Variants in SAP130 observed in about 807,000 individuals in gnomAD.
The protein encoded by SAP130 is histone deacetylase complex subunit SAP130.
In SAP130, 16 loss-of-function variants were observed where a neutral mutation model predicts 103.2. The observed-to-expected ratio is 0.16, with a 90% CI of 0.10 to 0.24. The LOEUF (loss-of-function observed/expected upper bound fraction) is 0.24. SAP130 is among the 10% of genes least tolerant of loss of function. The probability of loss-of-function intolerance (pLI) is 1.00; values close to 1 mark genes in which losing one functional copy is unlikely to be tolerated. For synonymous variants in SAP130, 477 were observed against 497.0 expected, an observed-to-expected ratio of 0.96 and a Z score of 0.53; for missense variants, 990 against 1,359.7, an observed-to-expected ratio of 0.73 and a Z score of 4.28.
intron 15 of SAP130, among the ~76,000 whole-genome samples, chr2:127,957,360 A>G (rs1187613483): frequency 2.0e-5 from 3 of 152,204 alleles, no homozygotes; most frequent in Non-Finnish European, 4.4e-5. Context: ...CTAGAGTCTG[A>G]ACTGTATATT....
chr2:127,976,772 T>C (rs1417511679), intron 15 of SAP130, among the ~76,000 whole-genome samples: 1 of 152,064 alleles, frequency 6.6e-6, no homozygotes, highest in African/African-American at 2.4e-5. Context: ...TAGCTGGGTG[T>C]GGTAGCACGC....
intron 16 of SAP130, among the ~76,000 whole-genome samples, chr2:127,951,381 C>A (rs1679484327): frequency 6.6e-6 from 1 of 152,144 alleles, no homozygotes; most frequent in African/African-American, 2.4e-5. Flanking sequence ...AACAGTCATA[C>A]CCTAAACTTT....
At chr2:127,944,870 C>A (rs139300532) in intron 19 of SAP130, among the ~76,000 whole-genome samples, 1,888 of 145,134 alleles carry the variant, frequency 0.013, 32 homozygotes, top group African/African-American at 0.047. Context: ...CCACTGCACT[C>A]CAACCTGGGT....
chr2:128,006,555 G>A (rs552085746), intron 7 of SAP130, among the ~76,000 whole-genome samples: 2 of 152,170 alleles, frequency 1.3e-5, no homozygotes, highest in African/African-American at 2.4e-5. Context: ...CAGATGGATC[G>A]CTTGAGCCCA....
intron 7 of SAP130, among the ~76,000 whole-genome samples, chr2:128,001,755 T>A (rs542858206): frequency 6.6e-6 from 1 of 152,126 alleles, no homozygotes; most frequent in African/African-American, 2.4e-5. Flanking sequence ...TATACTCTTA[T>A]GATGTTTGCA....
intron 7 of SAP130, among the ~76,000 whole-genome samples, chr2:128,005,630 T>C (rs1260729549): frequency 4.6e-5 from 7 of 150,950 alleles, no homozygotes; most frequent in African/African-American, 1.7e-4. Context: ...ACAAACAAAC[T>C]GTTCATATAG....
At chr2:128,021,535 C>T (rs1219663744) in intron 2 of SAP130, among the ~76,000 whole-genome samples, 2 of 151,688 alleles carry the variant, frequency 1.3e-5, no homozygotes, top group Non-Finnish European at 2.9e-5. Flanking sequence ...TCTCCCAGGT[C>T]ATTCAGAATT....
chr2:128,009,445 T>C (rs947752933), intron 7 of SAP130, among the ~76,000 whole-genome samples: 1 of 152,204 alleles, frequency 6.6e-6, no homozygotes, highest in Non-Finnish European at 1.5e-5. Flanking sequence ...TACTCCAGCC[T>C]GGGTGACAGA....
chr2:128,024,936 A>G (rs1685402100), intron 2 of SAP130, among the ~76,000 whole-genome samples: 1 of 143,954 alleles, frequency 6.9e-6, no homozygotes, highest in African/African-American at 2.6e-5. Context: ...CAAAAGATCG[A>G]GGCTGCAGTG....
intron 15 of SAP130, among the ~76,000 whole-genome samples, chr2:127,964,355 G>A (rs1051847860): frequency 2.0e-4 from 31 of 151,868 alleles, no homozygotes; most frequent in African/African-American, 7.0e-4. Flanking sequence ...TTAGCTGGGC[G>A]TGTTGGTGGA....
chr2:127,974,783 A>T (rs1217531143), intron 15 of SAP130, among the ~76,000 whole-genome samples: 1 of 152,248 alleles, frequency 6.6e-6, no homozygotes, highest in Non-Finnish European at 1.5e-5. Context: ...ACTGCACTCT[A>T]GCCTGGGCAG....
chr2:127,995,050 T>G (rs1683076905), intron 11 of SAP130, among the ~76,000 whole-genome samples: 1 of 152,090 alleles, frequency 6.6e-6, no homozygotes, highest in Admixed American at 6.6e-5. Flanking sequence ...TTGTGTATAC[T>G]GTATAGGGTT....
chr2:128,022,933 G>A (rs367897835), intron 2 of SAP130, among the ~76,000 whole-genome samples: 6 of 151,860 alleles, frequency 4.0e-5, no homozygotes, highest in African/African-American at 9.7e-5. Flanking sequence ...AGGCTCAAGC[G>A]ATCCTCCCAC....
At chr2:127,984,925 C>T (rs1004156254) in intron 14 of SAP130, among the ~76,000 whole-genome samples, 6 of 152,226 alleles carry the variant, frequency 3.9e-5, no homozygotes, top group Non-Finnish European at 5.9e-5. Flanking sequence ...TTTAACTTAT[C>T]CTCCTTAAAG....
intron 15 of SAP130, among the ~76,000 whole-genome samples, chr2:127,958,645 AG>A (rs1410149243): frequency 1.3e-4 from 4 of 31,102 alleles, no homozygotes; most frequent in Admixed American, 3.9e-4. Flanking sequence ...TGAGAGAGAG[AG>A]AGAGAGAGAG....
rs1436509932 is a variant in SAP130 at position 127,977,986 on chromosome 2, C to T, written c.2062G>A (p.Gly688Ser). Residue 688 changes from glycine to serine, a missense_variant and splice_region_variant, in exon 15 of 21, where the codon GGT (glycine) becomes AGT (serine). By Grantham distance (56) the Gly-to-Ser change is moderately conservative (BLOSUM62 0). This residue lies in a region of SAP130 where 349 missense variants were observed against 384.1 expected (regional missense o/e 0.91). Transcript: ENST00000643581. The stretch of plus-strand genomic sequence containing the variant: ...TGCGAAGAACACTTAGGTGCTCACC[C>T]TGCAGGCCTAGGTGACCCAGACGTA... ...RSTSGSPRPA[G>S]AKPKSEIHVS... The T allele has an allele frequency of 6.5e-7, 1 of 1,548,610 alleles. No homozygotes were observed. The highest frequency in any genetic ancestry group is 8.7e-7 in the Non-Finnish European group (1 of 1,143,828).
At chr2:127,988,396 C>A in intron 13 of SAP130, among the ~76,000 whole-genome samples, 1 of 143,566 alleles carries the variant, frequency 7.0e-6, no homozygotes. Context: ...TGTGTTCCAG[C>A]TGGGCAACAG....
At chr2:128,007,059 T>C (rs1436947337) in intron 7 of SAP130, among the ~76,000 whole-genome samples, 1 of 152,188 alleles carries the variant, frequency 6.6e-6, no homozygotes, top group Non-Finnish European at 1.5e-5. Flanking sequence ...CCAGGTTTTA[T>C]TAAAACAATC....
Position 127,978,041 on chromosome 2 carries a change from A to G in SAP130, c.2007T>C (p.Ala669=). The change falls in exon 15 of 21, where the codon GCT becomes GCC. Residue 669 remains alanine (A), a synonymous_variant. Transcript: ENST00000643581. ...TLIPPQPPDV[A]SPRVESSMRS... is the part of the protein sequence containing the mutation. ...GCATAGAGCTTTCCACTCGAGGACT[A>G]GCAACATCAGGAGGCTGAGGAGGAA... The G allele has an allele frequency of 6.4e-7, 1 of 1,551,896 alleles. No individual in the cohort carries two copies. The highest frequency in any genetic ancestry group is 1.2e-5 in the South Asian group (1 of 84,066).
Sources: gnomAD v4.1 joint callset for allele counts (sites outside exome capture counted in the v4.1 genomes callset) on GRCh38, gnomAD v4.1.1 for gene constraint, gnomAD v4.1.1 regional missense constraint, MANE v1.5 for transcripts, NCBI Gene and HGNC (gene_info 2026-07-23, HGNC 2026-07-21) for gene names.